Variants in OPN5 observed in about 807,000 individuals in gnomAD.
OPN5 encodes the protein opsin-5.
In OPN5, 18 loss-of-function variants were observed where a neutral mutation model predicts 41.7. The ratio of observed to expected loss-of-function variants is 0.43; its 90% CI spans 0.30 to 0.64. The LOEUF is 0.64. Ranked by LOEUF, OPN5 falls within the 30% of genes least tolerant of loss-of-function variation. The pLI is 0.13. For missense variants in OPN5, 318 were observed against 434.5 expected, an observed-to-expected ratio of 0.73 and a Z score of 2.38; for synonymous variants, 178 against 164.3, an observed-to-expected ratio of 1.08 and a Z score of -0.64.
chr6:47,797,635 T>G (rs1450067407), intron 4 of OPN5, among the ~76,000 whole-genome samples: 1 of 152,250 alleles, frequency 6.6e-6, no homozygotes, highest in Non-Finnish European at 1.5e-5. Flanking sequence ...CACACTGGTA[T>G]GTGACGTCGA....
At chr6:47,788,113 C>A (rs778777280) in intron 2 of OPN5, among the ~76,000 whole-genome samples, 1 of 152,164 alleles carries the variant, frequency 6.6e-6, no homozygotes, top group Non-Finnish European at 1.5e-5. Context: ...ATGGTGAATG[C>A]ACACGCACAT....
chr6:47,814,562 TG>T lies in OPN5; in HGVS notation c.1056+2834del, dbSNP rs1330305672. On this transcript the variant is annotated intron_variant, in intron 6 of 6. Transcript: ENST00000371211. ...TTGTTTTGGGTAATAATCTGAGAGC[TG>T]GGAGGCACCAGAATTGATAGAGATG... 2.0e-5 allele frequency among the ~76,000 whole-genome samples: 3 copies of T among 152,082 alleles called. No homozygotes were observed. The East Asian group carries it at 5.8e-4, about 29-fold the overall frequency.
At chr6:47,786,746 A>C in intron 2 of OPN5, 112 bp downstream of exon 2, 4 of 894,324 alleles carry the variant, frequency 4.5e-6, no homozygotes, top group Non-Finnish European at 5.1e-6. Context: ...ATCTCCTTCC[A>C]CTCTTCGCTT....
chr6:47,808,089 T>C (rs1315129438), intron 4 of OPN5, 65 bp from the exon 5 acceptor site: 1 of 1,546,444 alleles, frequency 6.5e-7, no homozygotes, highest in Non-Finnish European at 8.9e-7. Flanking sequence ...TCCATACCCA[T>C]CGTTTCAGAC....
chr6:47,823,920 T>C, intron 6 of OPN5, 63 bp from the exon 7 acceptor site: 1 of 1,282,446 alleles, frequency 7.8e-7, no homozygotes, highest in Non-Finnish European at 1.1e-6. Flanking sequence ...AATTTAGTTT[T>C]GGACTTTCTC....
chr6:47,795,004 T>C, intron 3 of OPN5: 1 of 468,788 alleles, frequency 2.1e-6, no homozygotes, highest in Non-Finnish European at 3.8e-6. Context: ...CTCCCAAAGC[T>C]CCCAGATGCC....
At chr6:47,802,853 C>T (rs909430060) in intron 4 of OPN5, among the ~76,000 whole-genome samples, 2 of 152,202 alleles carry the variant, frequency 1.3e-5, no homozygotes, top group Non-Finnish European at 2.9e-5. Flanking sequence ...AATTTACTGC[C>T]TCTCTTTTCA....
intron 3 of OPN5, chr6:47,794,632 CGCTGTG>C (rs1773486471): frequency 6.6e-6 from 1 of 152,218 alleles, no homozygotes; most frequent in Non-Finnish European, 1.5e-5. Flanking sequence ...CTGCCTCTCC[CGCTGTG>C]GCTGTGTGAG....
intron 4 of OPN5, among the ~76,000 whole-genome samples, chr6:47,807,283 G>C (rs1296530864): frequency 6.6e-6 from 1 of 152,154 alleles, no homozygotes; most frequent in Non-Finnish European, 1.5e-5. Context: ...TCAGGCTCTA[G>C]GTTTTACTGG....
At chr6:47,813,978 G>C (rs572547397) in intron 6 of OPN5, among the ~76,000 whole-genome samples, 1 of 152,170 alleles carries the variant, frequency 6.6e-6, no homozygotes, top group South Asian at 2.1e-4. Flanking sequence ...CATAGGTAAA[G>C]ATATTCAAAA....
In OPN5 at chr6:47,819,336, A is replaced by AATATATATATATATATGTATATATATAT. The variant is rs1762525165; in HGVS notation, c.1057-4631_1057-4630insGTATATATATATATATATATATATATAT. ...TCTCTAAGTAATTCTGAAAATTAGG[A>AATATATATATATATATGTATATATATAT]ATATATATATATATATAAAAAATAT... On this transcript the variant is annotated intron_variant, in intron 6 of 6. Transcript: ENST00000371211. Among the ~76,000 whole-genome samples, 5 of 24,328 alleles carry AATATATATATATATATGTATATATATAT rather than the reference A, an allele frequency of 2.1e-4. 1 individual carries two copies. The highest frequency in any genetic ancestry group is 4.0e-4 in the Non-Finnish European group (5 of 12,350). 16.0% of individuals were successfully genotyped at this position (24,328 alleles called of 152,430 possible). A position where few individuals can be genotyped will look rare whatever the true frequency, so the allele number is the denominator to read the frequency against.
chr6:47,795,368 G>A lies in OPN5; in HGVS notation c.561G>A (p.Trp187Ter). ...TCGGAACCTCGTGCACCCTGGACTG[G>A]TGGCTGGCCCAGGCCTCGGTAGGGG... The change falls in exon 4 of 7, where the codon TGG becomes TGA. Residue 187 changes from tryptophan to a stop codon, truncating the protein, a stop_gained. Coordinates refer to ENST00000371211, the Ensembl canonical transcript of OPN5. LOFTEE classifies it high-confidence loss of function. 2 of 1,614,190 alleles carry A rather than the reference G, an allele frequency of 1.2e-6. No individual in the cohort carries two copies. The highest frequency in any genetic ancestry group is 1.7e-6 in the Non-Finnish European group (2 of 1,180,028).
chr6:47,806,924 G>A (rs1253985674), intron 4 of OPN5, among the ~76,000 whole-genome samples: 2 of 152,150 alleles, frequency 1.3e-5, no homozygotes, highest in South Asian at 2.1e-4. Flanking sequence ...TTGGGAAGCC[G>A]AGGTGGGTGG....
intron 6 of OPN5, among the ~76,000 whole-genome samples, chr6:47,817,033 G>C (rs771662055): frequency 2.0e-5 from 3 of 152,076 alleles, no homozygotes; most frequent in Non-Finnish European, 2.9e-5. Context: ...AGATTCTGTG[G>C]AAATAGCAAC....
At chr6:47,791,208 C>T (rs914181416) in intron 2 of OPN5, among the ~76,000 whole-genome samples, 8 of 151,718 alleles carry the variant, frequency 5.3e-5, no homozygotes, top group African/African-American at 1.9e-4. Flanking sequence ...TATTAATAAC[C>T]AGCATTAACT....
intron 2 of OPN5, among the ~76,000 whole-genome samples, chr6:47,789,842 A>G (rs1238104338): frequency 6.6e-6 from 1 of 151,968 alleles, no homozygotes; most frequent in Non-Finnish European, 1.5e-5. Flanking sequence ...CATTAAGGTT[A>G]GGGAACCTTC....
intron 6 of OPN5, among the ~76,000 whole-genome samples, chr6:47,821,056 C>G (rs1762606685): frequency 6.6e-6 from 1 of 152,006 alleles, no homozygotes; most frequent in African/African-American, 2.4e-5. Context: ...CATCATAAAG[C>G]TTTTATCCTT....
chr6:47,789,149 C>T (rs1773287694), intron 2 of OPN5, among the ~76,000 whole-genome samples: 1 of 152,182 alleles, frequency 6.6e-6, no homozygotes, highest in Admixed American at 6.5e-5. Flanking sequence ...TTAGCACCCA[C>T]CTGGCTGACA....
intron 4 of OPN5, among the ~76,000 whole-genome samples, chr6:47,797,295 T>A (rs575355373): frequency 1.3e-5 from 2 of 152,296 alleles, no homozygotes; most frequent in African/African-American, 4.8e-5. Context: ...GATAGCTTAA[T>A]AATAGAACAG....
Sources: gnomAD v4.1 joint callset for allele counts (sites outside exome capture counted in the v4.1 genomes callset) on GRCh38, gnomAD v4.1.1 for gene constraint, MANE v1.5 for transcripts, NCBI Gene and HGNC (gene_info 2026-07-23, HGNC 2026-07-21) for gene names.